CNTNAP2: variants seen among roughly 807,000 people sequenced by gnomAD.
CNTNAP2 encodes contactin associated protein 2, also known as contactin-associated protein-like 2.
CNTNAP2 carries 98 observed loss-of-function variants against 155.2 expected under a neutral mutation model. The observed-to-expected ratio is 0.63, with a 90% CI of 0.54 to 0.75. The LOEUF is 0.75. Ranked by LOEUF, CNTNAP2 falls within the 30% of genes least tolerant of loss-of-function variation. CNTNAP2 has a pLI of 0.00. For synonymous variants in CNTNAP2, 651 were observed against 631.2 expected (o/e 1.03, Z -0.47); for missense variants, 1,727 against 1,688.1 (o/e 1.02, Z -0.40).
chr7:147,913,064 C>T (rs1800095716), intron 14 of CNTNAP2, among the ~76,000 whole-genome samples: 1 of 152,138 alleles, frequency 6.6e-6, no homozygotes, highest in South Asian at 2.1e-4. Context: ...GATGTCTCCT[C>T]ATAAAGAGAA....
At chr7:148,358,103 G>A (rs147201277) in intron 21 of CNTNAP2, among the ~76,000 whole-genome samples, 23 of 152,094 alleles carry the variant, frequency 1.5e-4, no homozygotes, top group African/African-American at 4.1e-4. Flanking sequence ...CAAAAGGAGC[G>A]TGCCTGGTTC....
intron 3 of CNTNAP2, among the ~76,000 whole-genome samples, chr7:146,916,913 C>A (rs1479241745): frequency 6.6e-6 from 1 of 152,052 alleles, no homozygotes; most frequent in Non-Finnish European, 1.5e-5. Context: ...TGACCTTAGA[C>A]AGTCTATTTG....
chr7:146,986,984 G>A (rs186936939), intron 3 of CNTNAP2, among the ~76,000 whole-genome samples: 36 of 151,766 alleles, frequency 2.4e-4, no homozygotes, highest in East Asian at 3.9e-4. Context: ...AAGTTGTTTC[G>A]TTCTCTGAAG....
intron 1 of CNTNAP2, among the ~76,000 whole-genome samples, chr7:146,190,436 T>C (rs576154056): frequency 2.6e-5 from 4 of 152,334 alleles, no homozygotes; most frequent in African/African-American, 4.8e-5. Context: ...TCTGTGATAA[T>C]TGTAGCAATA....
chr7:147,547,385 G>A (rs1015184084), intron 11 of CNTNAP2, among the ~76,000 whole-genome samples: 7 of 151,902 alleles, frequency 4.6e-5, no homozygotes, highest in South Asian at 2.1e-4. Context: ...CTAATGCTGC[G>A]GTTGCTTAAT....
In CNTNAP2 at chr7:147,389,896, G is replaced by A. The variant is rs140119997; in HGVS notation, c.1499-5713G>A. ...TATATTTTTACTAACTTGACAATTC[G>A]TTACATTCACTTTATTTCCATTTTA... On this transcript the variant is annotated intron_variant, in intron 9 of 23. Transcript: ENST00000361727. Among the ~76,000 whole-genome samples the A allele has an allele frequency of 5.5e-3, 842 of 152,154 alleles. 12 individuals carry two copies. Among genetic ancestry groups the A allele is most frequent in the African/African-American group, 0.019 (804 of 41,502 alleles).
At chr7:148,006,264 G>T (rs1801977061) in intron 15 of CNTNAP2, among the ~76,000 whole-genome samples, 1 of 151,192 alleles carries the variant, frequency 6.6e-6, no homozygotes, top group Non-Finnish European at 1.5e-5. Context: ...AATACTCTGT[G>T]AGAAATAGCC....
At chr7:147,398,326 C>G (rs957835408) in intron 10 of CNTNAP2, among the ~76,000 whole-genome samples, 24 of 151,660 alleles carry the variant, frequency 1.6e-4, no homozygotes, top group African/African-American at 5.6e-4. Context: ...CAAATTCTCC[C>G]AAAGGAAGCC....
At chr7:147,884,953 G>C (rs1170567027) in intron 13 of CNTNAP2, among the ~76,000 whole-genome samples, 1 of 152,230 alleles carries the variant, frequency 6.6e-6, no homozygotes, top group Non-Finnish European at 1.5e-5. Flanking sequence ...CTTGATATGA[G>C]ACCTCAGGTT....
intron 1 of CNTNAP2, among the ~76,000 whole-genome samples, chr7:146,381,358 T>G (rs1190336383): frequency 6.6e-6 from 1 of 152,146 alleles, no homozygotes; most frequent in Non-Finnish European, 1.5e-5. Context: ...TAATCAAAAA[T>G]ATATTAACTT....
At chr7:146,893,313 G>C (rs1795816079) in intron 3 of CNTNAP2, among the ~76,000 whole-genome samples, 1 of 151,810 alleles carries the variant, frequency 6.6e-6, no homozygotes, top group Admixed American at 6.6e-5. Context: ...GTGCTGAAGA[G>C]AGTTATAAAA....
intron 12 of CNTNAP2, among the ~76,000 whole-genome samples, chr7:147,603,376 C>T (rs1425875904): frequency 6.6e-6 from 1 of 152,066 alleles, no homozygotes; most frequent in East Asian, 1.9e-4. Context: ...AGCAAAGTCT[C>T]AGGATACAAA....
rs142550469 is a variant in CNTNAP2 at position 147,112,828 on chromosome 7, T to TTTGTTG, written c.754+4504_754+4509dup. Among the ~76,000 whole-genome samples the TTTGTTG allele has an allele frequency of 6.9e-4, 104 of 151,536 alleles. 2 individuals are homozygous for TTTGTTG. The highest frequency in any genetic ancestry group is 6.8e-3 in the Middle Eastern group (2 of 292). ...TTCATCAAAAATATTTGCCCGAAGTTTTGTTGTTGTTGTTGTTGTTGTTGT... is the reference window on the plus strand; with the variant it reads ...TTCATCAAAAATATTTGCCCGAAGTTTTGTTGTTGTTGTTGTTGTTGTTGTTGTTGT... On this transcript the variant is annotated intron_variant, in intron 5 of 23. Transcript: ENST00000361727.
intron 20 of CNTNAP2, among the ~76,000 whole-genome samples, chr7:148,253,049 G>GATAT (rs1796395672): frequency 1.6e-5 from 1 of 62,326 alleles, no homozygotes; most frequent in South Asian, 8.8e-4. Context: ...TAGATAGATA[G>GATAT]ACAGATGATA....
intron 12 of CNTNAP2, among the ~76,000 whole-genome samples, chr7:147,567,375 A>G (rs987743232): frequency 6.6e-6 from 1 of 152,162 alleles, no homozygotes; most frequent in Non-Finnish European, 1.5e-5. Context: ...AAAGCAAGCA[A>G]TGGATGGTTT....
intron 13 of CNTNAP2, among the ~76,000 whole-genome samples, chr7:147,852,852 A>G (rs1331728364): frequency 3.9e-5 from 6 of 152,072 alleles, no homozygotes; most frequent in African/African-American, 1.2e-4. Context: ...GACATTTAAG[A>G]TATTATTTTG....
intron 17 of CNTNAP2, among the ~76,000 whole-genome samples, chr7:148,154,115 C>T (rs924026086): frequency 9.9e-5 from 15 of 152,232 alleles, no homozygotes; most frequent in African/African-American, 3.6e-4. Flanking sequence ...AGGGAACCAT[C>T]TCTTTTGTGC....
chr7:147,630,806 A>G (rs973860932), intron 12 of CNTNAP2, among the ~76,000 whole-genome samples: 12 of 152,280 alleles, frequency 7.9e-5, no homozygotes, highest in Middle Eastern at 6.8e-3. Flanking sequence ...CAAAATTGGC[A>G]TAGAAGGGAT....
chr7:146,380,424 C>G (rs1440672198), intron 1 of CNTNAP2, among the ~76,000 whole-genome samples: 1 of 152,022 alleles, frequency 6.6e-6, no homozygotes, highest in Non-Finnish European at 1.5e-5. Flanking sequence ...CTAAAAGTAA[C>G]TGATGTCGTC....
Sources: gnomAD v4.1 joint callset for allele counts (sites outside exome capture counted in the v4.1 genomes callset) on GRCh38, gnomAD v4.1.1 for gene constraint, MANE v1.5 for transcripts, NCBI Gene and HGNC (gene_info 2026-07-23, HGNC 2026-07-21) for gene names.